WRN: variants seen among roughly 807,000 people sequenced by gnomAD.
WRN encodes bifunctional 3'-5' exonuclease/ATP-dependent helicase WRN.
WRN carries 149 observed loss-of-function variants against 180.7 expected under a neutral mutation model. The ratio of observed to expected loss-of-function variants is 0.82; its 90% CI spans 0.72 to 0.94. WRN has a LOEUF of 0.94. Ranked by LOEUF, WRN falls within the 40% of genes least tolerant of loss-of-function variation. The pLI is 0.00. For missense variants in WRN, 1,661 were observed against 1,700.1 expected, an observed-to-expected ratio of 0.98 and a Z score of 0.40; for synonymous variants, 548 against 568.9, an observed-to-expected ratio of 0.96 and a Z score of 0.52.
chr8:31,161,756 T>C (rs1803626198), intron 33 of WRN, among the ~76,000 whole-genome samples: 1 of 145,146 alleles, frequency 6.9e-6, no homozygotes, highest in South Asian at 2.2e-4. Flanking sequence ...GGAGAATTGC[T>C]TGAACCCAGG....
chr8:31,077,815 A>G (rs1045852104), intron 8 of WRN, among the ~76,000 whole-genome samples: 2 of 152,230 alleles, frequency 1.3e-5, no homozygotes, highest in Non-Finnish European at 2.9e-5. Context: ...AATTTGAGGC[A>G]TATACACAGA....
At chr8:31,085,347 A>G in intron 11 of WRN, 101 bp downstream of exon 11, 1 of 1,242,622 alleles carries the variant, frequency 8.0e-7, no homozygotes, top group East Asian at 2.5e-5. Context: ...ACCACAATGA[A>G]ATTGCTACTA....
intron 1 of WRN, among the ~76,000 whole-genome samples, chr8:31,043,832 A>G (rs1445620655): frequency 6.6e-6 from 1 of 152,146 alleles, no homozygotes. Flanking sequence ...GCCCCTATTA[A>G]TTGGTACCTC....
chr8:31,090,405 A>G, intron 13 of WRN, 60 bp from the exon 14 acceptor site: 1 of 1,496,828 alleles, frequency 6.7e-7, no homozygotes, highest in Non-Finnish European at 9.3e-7. Context: ...ATGGATTTTA[A>G]TTTGTACCTT....
intron 1 of WRN, among the ~76,000 whole-genome samples, chr8:31,044,545 T>A (rs1038552319): frequency 5.3e-5 from 8 of 151,832 alleles, no homozygotes; most frequent in African/African-American, 1.9e-4. Flanking sequence ...TTATTAGAGA[T>A]GGGGTTTTAC....
intron 19 of WRN, among the ~76,000 whole-genome samples, chr8:31,115,583 T>C (rs1345417886): frequency 1.3e-5 from 2 of 152,200 alleles, no homozygotes; most frequent in African/African-American, 4.8e-5. Context: ...AAATTGAAAT[T>C]GGATCAAAAG....
Position 31,173,045 on chromosome 8 carries a change from A to G in WRN, c.4242A>G (p.Gly1414=), listed in dbSNP as rs1435342869. The G allele has an allele frequency of 1.2e-6, 2 of 1,613,916 alleles. No homozygotes were observed. The highest frequency in any genetic ancestry group is 2.7e-5 in the African/African-American group (2 of 74,914). ...KRRLPVWFAK[G]SDTSKKLMDK... is the part of the protein sequence containing the mutation. The stretch of plus-strand genomic sequence containing the variant: ...GATTACCTGTGTGGTTTGCCAAAGG[A>G]AGTGATACCAGCAAGAAATTAATGG... The change falls in exon 35 of 35, where the codon GGA becomes GGG. Residue 1414 remains glycine, a synonymous_variant. Coordinates refer to ENST00000298139, the MANE Select transcript of WRN (RefSeq NM_000553.6).
chr8:31,142,539 C>T, intron 26 of WRN, 87 bp from the exon 27 acceptor site: 1 of 1,043,942 alleles, frequency 9.6e-7, no homozygotes, highest in Non-Finnish European at 1.4e-6. Flanking sequence ...ATATCTTATT[C>T]ATCTTTCTGA....
At chr8:31,125,964 CAT>C (rs1014332205) in intron 23 of WRN, among the ~76,000 whole-genome samples, 1 of 132,650 alleles carries the variant, frequency 7.5e-6, no homozygotes, top group Non-Finnish European at 1.6e-5. Context: ...AAGAAGACAT[CAT>C]CCTAAATATA....
chr8:31,137,474 C>T (rs747638365), intron 24 of WRN, among the ~76,000 whole-genome samples: 9 of 151,998 alleles, frequency 5.9e-5, no homozygotes, highest in Non-Finnish European at 1.2e-4. Context: ...GTACCATTAA[C>T]AAGTGTTCCA....
At chr8:31,052,152 A>AT (rs1812100438) in intron 1 of WRN, among the ~76,000 whole-genome samples, 1 of 152,216 alleles carries the variant, frequency 6.6e-6, no homozygotes, top group African/African-American at 2.4e-5. Context: ...GTTCTATAGT[A>AT]TGAAAAAATA....
chr8:31,087,682 T>C, intron 11 of WRN, 94 bp from the exon 12 acceptor site: 2 of 1,329,450 alleles, frequency 1.5e-6, no homozygotes, highest in Non-Finnish European at 2.1e-6. Context: ...TCGACAAAAT[T>C]GTAGGCCCTG....
At chr8:31,167,344 T>A in intron 34 of WRN, 114 bp downstream of exon 34, 1 of 864,518 alleles carries the variant, frequency 1.2e-6, no homozygotes, top group Non-Finnish European at 1.8e-6. Flanking sequence ...GATTACTTTC[T>A]CTATGTGCTA....
chr8:31,115,641 T>C (rs914738675), intron 19 of WRN, among the ~76,000 whole-genome samples: 32 of 152,198 alleles, frequency 2.1e-4, no homozygotes, highest in African/African-American at 7.7e-4. Context: ...TAAAATAGTA[T>C]AGTCTTTTTT....
At chr8:31,125,537 G>GATATATATATATATATATAT (rs71206299) in intron 23 of WRN, among the ~76,000 whole-genome samples, 1,317 of 63,480 alleles carry the variant, frequency 0.021, 119 homozygotes, top group East Asian at 0.027. Flanking sequence ...ATATTATGGA[G>GATATATATATATATATATAT]ATATATATAT....
intron 1 of WRN, among the ~76,000 whole-genome samples, chr8:31,036,508 C>T (rs554221616): frequency 5.9e-5 from 9 of 152,304 alleles, no homozygotes; most frequent in Admixed American, 4.6e-4. Flanking sequence ...CACATCCTCG[C>T]CAACACTTAT....
intron 30 of WRN, 134 bp downstream of exon 30, chr8:31,147,610 A>G: frequency 2.5e-6 from 2 of 806,366 alleles, no homozygotes; most frequent in Admixed American, 2.1e-5. Flanking sequence ...CCCTGCTGCG[A>G]TGCTTATCTC....
chr8:31,145,423 C>T (rs999275309), intron 28 of WRN, among the ~76,000 whole-genome samples: 2 of 152,150 alleles, frequency 1.3e-5, no homozygotes, highest in African/African-American at 4.8e-5. Flanking sequence ...TTGATGATAC[C>T]TGTTTACAGC....
chr8:31,065,890 T>G (rs1171354585), intron 5 of WRN, among the ~76,000 whole-genome samples: 2 of 151,158 alleles, frequency 1.3e-5, no homozygotes, highest in Admixed American at 1.3e-4. Context: ...TTTTTTTTTT[T>G]TTTTTGAGGT....
Sources: gnomAD v4.1 joint callset for allele counts (sites outside exome capture counted in the v4.1 genomes callset) on GRCh38, gnomAD v4.1.1 for gene constraint, MANE v1.5 for transcripts, NCBI Gene and HGNC (gene_info 2026-07-23, HGNC 2026-07-21) for gene names.